Variants in MALRD1 observed in about 807,000 individuals in gnomAD.
MALRD1 encodes MAM and LDL-receptor class A domain-containing protein 1.
MALRD1 carries 247 observed loss-of-function variants against 242.1 expected under a neutral mutation model. The ratio of observed to expected loss-of-function variants is 1.02; its 90% CI spans 0.92 to 1.13. The LOEUF is 1.13. MALRD1 is among the 50% of genes most tolerant of loss of function. The pLI is 0.00. For synonymous variants in MALRD1, 995 were observed against 866.6 expected, an observed-to-expected ratio of 1.15 and a Z score of -2.60; for missense variants, 2,989 against 2,533.1, an observed-to-expected ratio of 1.18 and a Z score of -3.86.
chr10:19,689,215 C>A (rs949931961), intron 36 of MALRD1, among the ~76,000 whole-genome samples: 21 of 151,992 alleles, frequency 1.4e-4, no homozygotes, highest in African/African-American at 5.1e-4. Context: ...ACATACAAAA[C>A]TGATATATAG....
chr10:19,111,175 A>G (rs1273705645), intron 5 of MALRD1, among the ~76,000 whole-genome samples: 1 of 152,220 alleles, frequency 6.6e-6, no homozygotes, highest in Non-Finnish European at 1.5e-5. Flanking sequence ...CAAATGTCAG[A>G]TGTGTAGTAA....
At chr10:19,182,103 T>C (rs1835532391) in intron 14 of MALRD1, among the ~76,000 whole-genome samples, 1 of 152,092 alleles carries the variant, frequency 6.6e-6, no homozygotes, top group African/African-American at 2.4e-5. Flanking sequence ...GAAGAGTGTC[T>C]ATTGCAAGTT....
rs117440822 is a variant in MALRD1, at chr10:19,081,474, T to C, written c.341-6366T>C. On this transcript the variant is annotated intron_variant, in intron 2 of 39. Coordinates refer to ENST00000454679, the MANE Select transcript of MALRD1 (RefSeq NM_001142308.3). ...ATCATGTCCTTTGCAGGGACACGGA[T>C]AAAGCTGGAAACTGTTATCCTCAGC... is the stretch of plus-strand genomic sequence containing the variant. 8.9e-3 allele frequency among the ~76,000 whole-genome samples: 1,357 copies of C among 152,110 alleles called. 16 individuals are homozygous for C. Among genetic ancestry groups the C allele is most frequent in the Middle Eastern group, 0.017 (5 of 294 alleles).
At chr10:19,678,019 T>C (rs1842207921) in intron 36 of MALRD1, among the ~76,000 whole-genome samples, 1 of 152,166 alleles carries the variant, frequency 6.6e-6, no homozygotes, top group Non-Finnish European at 1.5e-5. Flanking sequence ...TTCTGTTCCA[T>C]TGGTCTATGT....
chr10:19,128,437 C>A (rs1837349650), intron 8 of MALRD1, 50 bp downstream of exon 8: 2 of 1,192,820 alleles, frequency 1.7e-6, no homozygotes, highest in Middle Eastern at 2.5e-4. Flanking sequence ...AATGAAGTTT[C>A]TAACTCTTGG....
rs1055688182 is a variant in MALRD1, at chr10:19,191,366, G to A, written c.1952-12362G>A. Among the ~76,000 whole-genome samples, 3 of 152,136 alleles carry A rather than the reference G, an allele frequency of 2.0e-5. 1 individual carries two copies. The highest frequency in any genetic ancestry group is 2.0e-4 in the Admixed American group (3 of 15,258). ...GTTAACAAGTGTTGGTGAGGATGTGGGAATCAGAACTCTTGTGCACTGTTA... is the reference window on the plus strand; with the variant it reads ...GTTAACAAGTGTTGGTGAGGATGTGAGAATCAGAACTCTTGTGCACTGTTA... On this transcript the variant is annotated intron_variant, in intron 14 of 39. Transcript: ENST00000454679.
intron 21 of MALRD1, among the ~76,000 whole-genome samples, chr10:19,285,636 T>G (rs912425005): frequency 6.9e-6 from 1 of 144,100 alleles, no homozygotes; most frequent in Non-Finnish European, 1.5e-5. Context: ...ACCAGTACCG[T>G]GCTGTTTTGG....
intron 38 of MALRD1, among the ~76,000 whole-genome samples, chr10:19,703,770 C>T (rs1833726968): frequency 6.6e-6 from 1 of 152,130 alleles, no homozygotes; most frequent in Admixed American, 6.5e-5. Context: ...TGGCAGGTCC[C>T]TGTAATCCCA....
chr10:19,536,192 G>A (rs1430212718), intron 32 of MALRD1, among the ~76,000 whole-genome samples: 1 of 152,084 alleles, frequency 6.6e-6, no homozygotes, highest in Non-Finnish European at 1.5e-5. Context: ...CACAAAAGAC[G>A]TGAGGACAGG....
At chr10:19,462,569 A>G (rs1264944970) in intron 29 of MALRD1, among the ~76,000 whole-genome samples, 1 of 152,236 alleles carries the variant, frequency 6.6e-6, no homozygotes, top group Non-Finnish European at 1.5e-5. Flanking sequence ...GGGCCTCACC[A>G]TGCCTAAATA....
At chr10:19,247,317 C>T (rs1839102669) in intron 18 of MALRD1, among the ~76,000 whole-genome samples, 3 of 152,062 alleles carry the variant, frequency 2.0e-5, no homozygotes, top group Admixed American at 1.3e-4. Flanking sequence ...AAAATATTCT[C>T]AACATTCATC....
intron 33 of MALRD1, among the ~76,000 whole-genome samples, chr10:19,592,408 C>T (rs1837838613): frequency 6.6e-6 from 1 of 152,208 alleles, no homozygotes; most frequent in African/African-American, 2.4e-5. Flanking sequence ...ACTCACCAGT[C>T]AATGAATGGA....
chr10:19,253,931 A>G (rs780759309), intron 18 of MALRD1, among the ~76,000 whole-genome samples: 6 of 151,826 alleles, frequency 4.0e-5, no homozygotes, highest in African/African-American at 1.2e-4. Context: ...GGTTTCCCCC[A>G]TACTGTTCTC....
intron 14 of MALRD1, among the ~76,000 whole-genome samples, chr10:19,177,675 C>T (rs1249462375): frequency 6.6e-6 from 1 of 152,050 alleles, no homozygotes. Flanking sequence ...TTTTTCAGCC[C>T]CTTTTCCTAT....
At chr10:19,269,951 T>C (rs150395763) in intron 19 of MALRD1, among the ~76,000 whole-genome samples, 9 of 152,206 alleles carry the variant, frequency 5.9e-5, no homozygotes, top group African/African-American at 2.2e-4. Context: ...GTCATCCAAC[T>C]CATGTCCATG....
At chr10:19,214,823 T>C (rs1173201404) in intron 18 of MALRD1, among the ~76,000 whole-genome samples, 1 of 152,132 alleles carries the variant, frequency 6.6e-6, no homozygotes, top group African/African-American at 2.4e-5. Context: ...AATTTCCCAT[T>C]GAGACTTTCA....
At chr10:19,593,134 A>ATC (rs1837905448) in intron 33 of MALRD1, among the ~76,000 whole-genome samples, 1 of 152,234 alleles carries the variant, frequency 6.6e-6, no homozygotes, top group African/African-American at 2.4e-5. Context: ...AAAGATTTAA[A>ATC]TCCAATTTGC....
intron 19 of MALRD1, among the ~76,000 whole-genome samples, chr10:19,262,206 T>C (rs756321353): frequency 2.6e-5 from 4 of 152,162 alleles, no homozygotes; most frequent in Admixed American, 6.5e-5. Context: ...TTTCCTACTT[T>C]ATTAAGATAT....
chr10:19,457,506 C>T (rs971934413), intron 29 of MALRD1, among the ~76,000 whole-genome samples: 1 of 152,030 alleles, frequency 6.6e-6, no homozygotes, highest in Non-Finnish European at 1.5e-5. Context: ...TGCACCACAG[C>T]TGATGATCTG....
Sources: gnomAD v4.1 joint callset for allele counts (sites outside exome capture counted in the v4.1 genomes callset) on GRCh38, gnomAD v4.1.1 for gene constraint, MANE v1.5 for transcripts, NCBI Gene and HGNC (gene_info 2026-07-23, HGNC 2026-07-21) for gene names.